Variants in DNER observed in about 807,000 individuals in gnomAD.
The protein encoded by DNER is delta/notch like EGF repeat containing, also known as delta and Notch-like epidermal growth factor-related receptor.
In DNER, 33 loss-of-function variants were observed where a neutral mutation model predicts 78.2. The observed-to-expected ratio is 0.42, with a 90% CI of 0.32 to 0.56. The LOEUF (loss-of-function observed/expected upper bound fraction) is 0.56, where lower values mean the gene tolerates loss of function less well. Ranked by LOEUF, DNER falls within the 20% of genes least tolerant of loss-of-function variation. DNER has a pLI of 0.11. For synonymous variants in DNER, 417 were observed against 384.8 expected, an observed-to-expected ratio of 1.08 and a Z score of -0.98; for missense variants, 918 against 975.3, an observed-to-expected ratio of 0.94 and a Z score of 0.78.
At chr2:229,443,198 G>T (rs538958217) in intron 8 of DNER, among the ~76,000 whole-genome samples, 56 of 152,308 alleles carry the variant, frequency 3.7e-4, no homozygotes, top group Non-Finnish European at 7.1e-4. Flanking sequence ...TAATGGCAGG[G>T]TTAATTCAAT....
chr2:229,376,024 C>T (rs1692590450), intron 11 of DNER, among the ~76,000 whole-genome samples: 1 of 152,196 alleles, frequency 6.6e-6, no homozygotes, highest in South Asian at 2.1e-4. Context: ...CTCCTTCCTG[C>T]CACCTTGTGA....
rs190477416 is a variant in DNER, at chr2:229,653,602, C to A, written c.276+60546G>T. 9.2e-5 allele frequency among the ~76,000 whole-genome samples: 14 copies of A among 152,216 alleles called. No individual in the cohort carries two copies. In the East Asian group the frequency reaches 2.7e-3, roughly 29 times the overall value. ...CAACACCAATTTTTTTTTCTCCTTT[C>A]CTGCCTGAGCAGTTCAAATTGATGA... On this transcript the variant is annotated intron_variant, in intron 1 of 12. Coordinates refer to ENST00000341772, the MANE Select transcript of DNER (RefSeq NM_139072.4).
chr2:229,373,662 T>G (rs914018617), intron 11 of DNER, among the ~76,000 whole-genome samples: 3 of 152,060 alleles, frequency 2.0e-5, no homozygotes, highest in African/African-American at 7.2e-5. Flanking sequence ...CTATTCACAA[T>G]AGCAAAGATA....
At chr2:229,665,660 A>G (rs377096503) in intron 1 of DNER, among the ~76,000 whole-genome samples, 1 of 152,216 alleles carries the variant, frequency 6.6e-6, no homozygotes, top group African/African-American at 2.4e-5. Flanking sequence ...TACCCTACTC[A>G]ATGTTAGATA....
intron 4 of DNER, among the ~76,000 whole-genome samples, chr2:229,560,602 G>A (rs1281034791): frequency 6.6e-6 from 1 of 152,152 alleles, no homozygotes; most frequent in Non-Finnish European, 1.5e-5. Context: ...GGTGGGATAA[G>A]GTTAGTGCAA....
At chr2:229,631,123 A>T (rs540417395) in intron 1 of DNER, among the ~76,000 whole-genome samples, 1 of 152,166 alleles carries the variant, frequency 6.6e-6, no homozygotes, top group Non-Finnish European at 1.5e-5. Flanking sequence ...TTTTTGGTAG[A>T]ATAATTTATT....
rs999962921 is a variant in DNER at position 229,714,352 on chromosome 2, GAGCAGC to G, written c.66_71del (p.Leu23_Leu24del). On this transcript the variant is annotated inframe_deletion, in exon 1 of 13. Coordinates refer to ENST00000341772, the MANE Select transcript of DNER (RefSeq NM_139072.4). ...GGGAGCTGCCTCGGGGCCCCGCTCCGAGCAGCAGCAGCAGCAGGGCCAGCGCGGGCA... is the reference window on the plus strand; with the variant it reads ...GGGAGCTGCCTCGGGGCCCCGCTCCGAGCAGCAGCAGGGCCAGCGCGGGCA... 1.5e-5 allele frequency: 19 copies of G among 1,238,770 alleles called. No homozygotes were observed. The highest frequency in any genetic ancestry group is 1.0e-4 in the South Asian group (3 of 29,300). 76.7% of individuals were successfully genotyped at this position (1,238,770 alleles called of 1,614,324 possible). A position where few individuals can be genotyped will look rare whatever the true frequency, so the allele number is the denominator to read the frequency against.
intron 7 of DNER, among the ~76,000 whole-genome samples, chr2:229,454,540 T>C (rs528415775): frequency 3.3e-5 from 5 of 152,266 alleles, no homozygotes; most frequent in South Asian, 2.1e-4. Flanking sequence ...AGAATGGAAC[T>C]AATACTTAAT....
At chr2:229,580,655 A>C (rs1293078341) in intron 4 of DNER, among the ~76,000 whole-genome samples, 1 of 152,160 alleles carries the variant, frequency 6.6e-6, no homozygotes, top group Admixed American at 6.5e-5. Context: ...GAAGGGATAA[A>C]ATTTCAGATG....
At chr2:229,422,029 T>C (rs1363603021) in intron 8 of DNER, among the ~76,000 whole-genome samples, 1 of 152,174 alleles carries the variant, frequency 6.6e-6, no homozygotes, top group Non-Finnish European at 1.5e-5. Flanking sequence ...TTTACAGAGA[T>C]AATTAAGCTG....
chr2:229,697,164 A>G lies in DNER; in HGVS notation c.276+16984T>C, dbSNP rs142005091. Among the ~76,000 whole-genome samples the G allele has an allele frequency of 8.5e-5, 13 of 152,380 alleles. No individual in the cohort carries two copies. The East Asian group carries it at 2.5e-3, about 29-fold the overall frequency. ...ATGAACAATGGAATAGTATTCAGCC[A>G]TAAAAAAGCAATGAAGTATGGATAA... On this transcript the variant is annotated intron_variant, in intron 1 of 12. Transcript: ENST00000341772.
At chr2:229,477,046 G>T in intron 7 of DNER, 94 bp downstream of exon 7, 1 of 962,786 alleles carries the variant, frequency 1.0e-6, no homozygotes, top group Non-Finnish European at 1.5e-6. Context: ...GTTCTCTTGT[G>T]TAGAGTTTTG....
At chr2:229,462,849 A>G (rs1438201822) in intron 7 of DNER, among the ~76,000 whole-genome samples, 2 of 151,942 alleles carry the variant, frequency 1.3e-5, no homozygotes, top group Admixed American at 6.6e-5. Flanking sequence ...TCCAGAAATA[A>G]CAAGCCATTC....
chr2:229,377,422 T>C (rs1168435891), intron 11 of DNER, among the ~76,000 whole-genome samples: 2 of 152,216 alleles, frequency 1.3e-5, no homozygotes, highest in African/African-American at 2.4e-5. Flanking sequence ...AATTTTGATT[T>C]TTAGACCTTG....
intron 4 of DNER, among the ~76,000 whole-genome samples, chr2:229,554,808 T>G (rs10175117): frequency 0.023 from 3,534 of 151,484 alleles, 150 homozygotes; most frequent in African/African-American, 0.082. Context: ...TGAGCTTTGA[T>G]TATGCCACTG....
intron 1 of DNER, among the ~76,000 whole-genome samples, chr2:229,704,056 T>G (rs541012317): frequency 6.6e-6 from 1 of 152,318 alleles, no homozygotes; most frequent in South Asian, 2.1e-4. Flanking sequence ...TGAATAGACA[T>G]TTCATCAAAG....
intron 11 of DNER, among the ~76,000 whole-genome samples, chr2:229,378,098 G>C (rs376421269): frequency 4.6e-5 from 7 of 152,120 alleles, no homozygotes; most frequent in Non-Finnish European, 1.0e-4. Context: ...AAGGCACCAC[G>C]AGCCAAGAAA....
At chr2:229,397,191 A>G (rs73100207) in intron 10 of DNER, among the ~76,000 whole-genome samples, 3,000 of 152,228 alleles carry the variant, frequency 0.02, 94 homozygotes, top group African/African-American at 0.068. Context: ...AAATAAACAT[A>G]AGAAAATTCC....
chr2:229,538,265 A>G (rs1696448581), intron 5 of DNER, among the ~76,000 whole-genome samples: 1 of 152,246 alleles, frequency 6.6e-6, no homozygotes, highest in Non-Finnish European at 1.5e-5. Context: ...TCACGTTAGC[A>G]TTAAGTCTGG....
Sources: allele counts gnomAD v4.1 joint callset (sites outside exome capture counted in the v4.1 genomes callset), GRCh38; gene constraint gnomAD v4.1.1; transcripts MANE v1.5; gene names NCBI Gene and HGNC (gene_info 2026-07-23, HGNC 2026-07-21).